The following KLHL32 variants were observed in gnomAD, a reference collection of about 807,000 sequenced individuals.
KLHL32 encodes kelch-like protein 32.
Under a neutral mutation model 64.8 loss-of-function variants are expected in KLHL32, and 35 were observed. That is an observed-to-expected ratio of 0.54 (90% CI 0.41 to 0.72). The LOEUF (loss-of-function observed/expected upper bound fraction) is 0.72. KLHL32 is among the 30% of genes least tolerant of loss of function. The probability of loss-of-function intolerance (pLI) is 0.00; values close to 1 mark genes in which losing one functional copy is unlikely to be tolerated. For missense variants in KLHL32, 589 were observed against 768.5 expected, an observed-to-expected ratio of 0.77 and a Z score of 2.76; for synonymous variants, 259 against 281.0, an observed-to-expected ratio of 0.92 and a Z score of 0.78.
chr6:96,992,752 T>C (rs1582625409), intron 3 of KLHL32, among the ~76,000 whole-genome samples: 1 of 152,250 alleles, frequency 6.6e-6, no homozygotes, highest in African/African-American at 2.4e-5. Flanking sequence ...GTAATACCTA[T>C]ATTATAAAGC....
chr6:97,090,578 G>A (rs1015047798), intron 6 of KLHL32, among the ~76,000 whole-genome samples: 6 of 152,216 alleles, frequency 3.9e-5, no homozygotes, highest in African/African-American at 9.6e-5. Flanking sequence ...GATGTACTCA[G>A]CTTTCATCTT....
chr6:96,997,562 G>A (rs960863528), intron 3 of KLHL32, among the ~76,000 whole-genome samples: 28 of 151,844 alleles, frequency 1.8e-4, no homozygotes, highest in African/African-American at 6.8e-4. Flanking sequence ...AGCTTGGACA[G>A]CATAGTGAGA....
intron 7 of KLHL32, among the ~76,000 whole-genome samples, chr6:97,122,888 G>T (rs895630608): frequency 6.6e-6 from 1 of 152,206 alleles, no homozygotes; most frequent in African/African-American, 2.4e-5. Context: ...TTAGACTAGT[G>T]TGAACCTGGC....
chr6:97,096,219 G>A lies in KLHL32; in HGVS notation c.627+10878G>A, dbSNP rs536097490. Among the ~76,000 whole-genome samples the A allele has an allele frequency of 2.4e-4, 37 of 152,262 alleles. No individual in the cohort carries two copies. In the South Asian group the frequency reaches 5.4e-3, roughly 22 times the overall value. On this transcript the variant is annotated intron_variant, in intron 6 of 10. Coordinates refer to ENST00000369261, the MANE Select transcript of KLHL32 (RefSeq NM_052904.4). ...AGCCACCTTGGATTCTGAGCCAACAGCCGTCCTGTCCTCTGTCACTTACAC... is the reference window on the plus strand; with the variant it reads ...AGCCACCTTGGATTCTGAGCCAACAACCGTCCTGTCCTCTGTCACTTACAC...
At chr6:97,043,569 G>T (rs1204819569) in intron 4 of KLHL32, among the ~76,000 whole-genome samples, 1 of 152,080 alleles carries the variant, frequency 6.6e-6, no homozygotes, top group African/African-American at 2.4e-5. Context: ...AGTTCCTTTG[G>T]CTATTACCCA....
intron 3 of KLHL32, among the ~76,000 whole-genome samples, chr6:97,025,326 C>T (rs1181654906): frequency 6.6e-6 from 1 of 152,178 alleles, no homozygotes; most frequent in African/African-American, 2.4e-5. Context: ...TGCCTGAACT[C>T]CTGAAAGATT....
chr6:97,084,556 G>T (rs1300254068), intron 5 of KLHL32, among the ~76,000 whole-genome samples: 1 of 152,182 alleles, frequency 6.6e-6, no homozygotes, highest in African/African-American at 2.4e-5. Flanking sequence ...ATTCAAACAG[G>T]AGTCTTTTCT....
chr6:97,048,155 T>G (rs753435385), intron 4 of KLHL32, among the ~76,000 whole-genome samples: 2 of 152,226 alleles, frequency 1.3e-5, no homozygotes, highest in Non-Finnish European at 2.9e-5. Flanking sequence ...AGTGGAGAGA[T>G]AAACTCTGCA....
intron 1 of KLHL32, among the ~76,000 whole-genome samples, 195 bp from the exon 2 acceptor site, chr6:96,966,801 A>G (rs958359626): frequency 2.0e-5 from 3 of 152,228 alleles, no homozygotes; most frequent in Non-Finnish European, 4.4e-5. Context: ...AAGCTTCAAT[A>G]ATGTGAAAAC....
intron 1 of KLHL32, among the ~76,000 whole-genome samples, chr6:96,941,611 G>A (rs1771297452): frequency 1.3e-5 from 2 of 152,180 alleles, no homozygotes; most frequent in Non-Finnish European, 2.9e-5. Context: ...ACTAGATGTT[G>A]TAGTCAACTT....
chr6:97,091,248 C>G (rs1391152741), intron 6 of KLHL32, among the ~76,000 whole-genome samples: 1 of 152,174 alleles, frequency 6.6e-6, no homozygotes, highest in Non-Finnish European at 1.5e-5. Flanking sequence ...GAAAAAAGAG[C>G]ATGACCATTC....
At chr6:97,130,699 C>A in intron 8 of KLHL32, 58 bp from the exon 9 acceptor site, 1 of 1,402,636 alleles carries the variant, frequency 7.1e-7, no homozygotes, top group Non-Finnish European at 9.7e-7. Flanking sequence ...GCACTCGTTG[C>A]TGTTTTCTGA....
chr6:97,047,671 A>C (rs899673069), intron 4 of KLHL32, among the ~76,000 whole-genome samples: 2 of 152,206 alleles, frequency 1.3e-5, no homozygotes, highest in African/African-American at 4.8e-5. Flanking sequence ...ATGAGGAAGA[A>C]GGAAGAGAAA....
intron 3 of KLHL32, among the ~76,000 whole-genome samples, chr6:96,989,026 G>A (rs1358649134): frequency 6.6e-6 from 1 of 152,164 alleles, no homozygotes. Flanking sequence ...AATGGGTGCA[G>A]CACACCAGCA....
chr6:97,114,674 T>C, intron 7 of KLHL32, 165 bp downstream of exon 7: 2 of 744,386 alleles, frequency 2.7e-6, no homozygotes, highest in Non-Finnish European at 2.2e-6. Flanking sequence ...TAGAGAGCAA[T>C]GTAATTGGAA....
intron 4 of KLHL32, among the ~76,000 whole-genome samples, chr6:97,044,932 A>T: frequency 6.7e-6 from 1 of 149,984 alleles, no homozygotes; most frequent in Admixed American, 6.7e-5. Context: ...AGTTTTGTTG[A>T]TTTTATCTTT....
chr6:97,090,715 G>C (rs1281610866), intron 6 of KLHL32, among the ~76,000 whole-genome samples: 1 of 152,182 alleles, frequency 6.6e-6, no homozygotes, highest in Non-Finnish European at 1.5e-5. Flanking sequence ...TCACAGTTTT[G>C]AAAATGCATC....
chr6:96,911,824 C>CTTTTTTTTTTTTTTTTTTTTTTTTTT, the KLHL32 span, among the ~76,000 whole-genome samples: 14 of 54,080 alleles, frequency 2.6e-4, 5 homozygotes, highest in East Asian at 1.4e-3. Context: ...CTCGGTCCTT[C>CTTTTTTTTTTTTTTTTTTTTTTTTTT]TTTTTTTTTT....
In KLHL32 at chr6:96,929,721, G is replaced by A. The variant is rs540785144; in HGVS notation, c.-66+4695G>A. Among the ~76,000 whole-genome samples, 6 of 152,178 alleles carry A rather than the reference G, an allele frequency of 3.9e-5. No individual in the cohort carries two copies. In the South Asian group the frequency reaches 1.0e-3, roughly 26 times the overall value. On this transcript the variant is annotated intron_variant, in intron 1 of 10. Coordinates refer to ENST00000369261, the MANE Select transcript of KLHL32 (RefSeq NM_052904.4). ...CGTATACACATTGCAATGCATTAAT[G>A]TATTTAATTTAACTTGATTTTGACA... is the stretch of plus-strand genomic sequence containing the variant.
Sources: gnomAD v4.1 joint callset for allele counts (sites outside exome capture counted in the v4.1 genomes callset) on GRCh38, gnomAD v4.1.1 for gene constraint, MANE v1.5 for transcripts, NCBI Gene and HGNC (gene_info 2026-07-23, HGNC 2026-07-21) for gene names.